LIMCH1: variants seen among roughly 807,000 people sequenced by gnomAD.
LIMCH1 encodes LIM and calponin homology domains-containing protein 1.
Under a neutral mutation model 176.5 loss-of-function variants are expected in LIMCH1, and 113 were observed. That is an observed-to-expected ratio of 0.64 (90% CI 0.55 to 0.75). The LOEUF (loss-of-function observed/expected upper bound fraction) is 0.75. Among genes scored for constraint, LIMCH1 ranks in the 30% least tolerant of loss-of-function variants. LIMCH1 has a pLI of 0.00. For synonymous variants in LIMCH1, 619 were observed against 645.9 expected, an observed-to-expected ratio of 0.96 and a Z score of 0.63; for missense variants, 1,674 against 1,814.9, an observed-to-expected ratio of 0.92 and a Z score of 1.41.
At chr4:41,396,666 C>T (rs561636901) in intron 1 of LIMCH1, among the ~76,000 whole-genome samples, 1 of 152,048 alleles carries the variant, frequency 6.6e-6, no homozygotes, top group Middle Eastern at 3.4e-3. Context: ...TTTGGGAGGC[C>T]GAGGTGGGCA....
chr4:41,604,358 T>C (rs2090390440), intron 3 of LIMCH1: 1 of 293,932 alleles, frequency 3.4e-6, no homozygotes, highest in Non-Finnish European at 5.1e-6. Flanking sequence ...TTTTGCACTT[T>C]TATTAGTACT....
At chr4:41,683,339 A>T (rs1348988534) in intron 26 of LIMCH1, among the ~76,000 whole-genome samples, 1 of 152,162 alleles carries the variant, frequency 6.6e-6, no homozygotes, top group African/African-American at 2.4e-5. Context: ...AAACTAGCTC[A>T]TACTGGAGCA....
intron 1 of LIMCH1, among the ~76,000 whole-genome samples, chr4:41,477,293 G>T (rs1475601785): frequency 6.6e-6 from 1 of 152,118 alleles, no homozygotes; most frequent in African/African-American, 2.4e-5. Context: ...CCCCAGGGTG[G>T]ACTCTATGGG....
At chr4:41,474,389 A>T (rs936653244) in intron 1 of LIMCH1, among the ~76,000 whole-genome samples, 2 of 152,048 alleles carry the variant, frequency 1.3e-5, no homozygotes, top group African/African-American at 4.8e-5. Flanking sequence ...CAGTAGGCTG[A>T]GGCAGCAGAA....
intron 7 of LIMCH1, among the ~76,000 whole-genome samples, chr4:41,625,998 C>G (rs2092925444): frequency 6.6e-6 from 1 of 151,624 alleles, no homozygotes; most frequent in Non-Finnish European, 1.5e-5. Flanking sequence ...GCCTGGGTGA[C>G]AGAACAAGAC....
chr4:41,582,940 T>C (rs990517446), intron 1 of LIMCH1, among the ~76,000 whole-genome samples: 2 of 152,202 alleles, frequency 1.3e-5, no homozygotes, highest in African/African-American at 4.8e-5. Context: ...CTTTATTTTA[T>C]TGTGGTAAAA....
intron 1 of LIMCH1, among the ~76,000 whole-genome samples, chr4:41,573,823 T>G (rs1584321956): frequency 6.6e-6 from 1 of 152,312 alleles, no homozygotes; most frequent in Middle Eastern, 3.4e-3. Context: ...AAGGTTGTAA[T>G]ACACACTTTG....
chr4:41,556,322 G>GA (rs2081264009), intron 1 of LIMCH1, among the ~76,000 whole-genome samples: 2 of 149,936 alleles, frequency 1.3e-5, no homozygotes, highest in East Asian at 3.9e-4. Context: ...TTGAACCTGG[G>GA]AGGCAGAGGT....
At chr4:41,430,549 A>C (rs1477414895) in intron 1 of LIMCH1, among the ~76,000 whole-genome samples, 1 of 152,260 alleles carries the variant, frequency 6.6e-6, no homozygotes, top group African/African-American at 2.4e-5. Flanking sequence ...GGCTTGAGCC[A>C]TCGGGCACCC....
chr4:41,650,703 C>A, intron 18 of LIMCH1, 95 bp downstream of exon 18: 1 of 1,061,774 alleles, frequency 9.4e-7, no homozygotes, highest in Non-Finnish European at 1.4e-6. Context: ...ATGACCATTT[C>A]TTTCTATGTT....
At chr4:41,363,278 C>T (rs969767626) in intron 1 of LIMCH1, among the ~76,000 whole-genome samples, 30 of 152,086 alleles carry the variant, frequency 2.0e-4, no homozygotes, top group African/African-American at 7.2e-4. Context: ...AGTGAATCCC[C>T]GGGTGGGGGG....
intron 3 of LIMCH1, among the ~76,000 whole-genome samples, chr4:41,530,254 C>A (rs562725282): frequency 6.6e-6 from 1 of 152,112 alleles, no homozygotes; most frequent in Non-Finnish European, 1.5e-5. Context: ...GAGTGAAAAG[C>A]CTTTATGCAG....
intron 2 of LIMCH1, among the ~76,000 whole-genome samples, chr4:41,603,659 G>A (rs2090296082): frequency 6.6e-6 from 1 of 152,138 alleles, no homozygotes; most frequent in Non-Finnish European, 1.5e-5. Flanking sequence ...ATAGCGTACT[G>A]TGGAACTTTA....
At position 41,552,017 on chromosome 4, in the gene LIMCH1, G is replaced by A. The variant is rs111369891; in HGVS notation, c.-241+13667G>A. Among the ~76,000 whole-genome samples, 295 of 152,306 alleles carry A rather than the reference G, an allele frequency of 1.9e-3. 1 individual carries two copies. Among genetic ancestry groups the A allele is most frequent in the African/African-American group, 6.9e-3 (287 of 41,574 alleles). On this transcript the variant is annotated intron_variant, in intron 1 of 31. Transcript: ENST00000503057. ...CGAACAGTTCCGCATGGCTGGGGAG[G>A]CCTCACAATCATGGCAGAAGAGCAA...
At chr4:41,677,056 G>T (rs139065231) in intron 23 of LIMCH1, among the ~76,000 whole-genome samples, 1 of 151,874 alleles carries the variant, frequency 6.6e-6, no homozygotes, top group Non-Finnish European at 1.5e-5. Flanking sequence ...CCTGCTACTC[G>T]GGAGGTTGAG....
At chr4:41,445,292 C>T (rs759875495) in intron 1 of LIMCH1, among the ~76,000 whole-genome samples, 3 of 152,196 alleles carry the variant, frequency 2.0e-5, no homozygotes, top group Non-Finnish European at 4.4e-5. Context: ...GCGTGAGCCA[C>T]AGTGCACGGC....
chr4:41,409,327 T>A (rs2059270169), intron 1 of LIMCH1, among the ~76,000 whole-genome samples: 1 of 152,122 alleles, frequency 6.6e-6, no homozygotes, highest in Admixed American at 6.6e-5. Flanking sequence ...TTAGGAAATA[T>A]TCAGCCAAAA....
chr4:41,584,360 A>G (rs1050540864), intron 1 of LIMCH1, among the ~76,000 whole-genome samples: 2 of 152,186 alleles, frequency 1.3e-5, no homozygotes, highest in Non-Finnish European at 1.5e-5. Context: ...TGTGATGACT[A>G]TTTGACTCCT....
intron 1 of LIMCH1, chr4:41,473,291 C>T (rs1448763864): frequency 1.7e-6 from 1 of 574,008 alleles, no homozygotes. Context: ...ATCCTGGTCC[C>T]ATCACTACCA....
Sources: allele counts gnomAD v4.1 joint callset (sites outside exome capture counted in the v4.1 genomes callset), GRCh38; gene constraint gnomAD v4.1.1; transcripts MANE v1.5; gene names NCBI Gene and HGNC (gene_info 2026-07-23, HGNC 2026-07-21).